Variants in TRIM44 observed in about 807,000 individuals in gnomAD.
TRIM44 encodes the protein tripartite motif-containing protein 44.
TRIM44 carries 13 observed loss-of-function variants against 37.4 expected under a neutral mutation model. That is an observed-to-expected ratio of 0.35 (90% confidence interval 0.23 to 0.55). TRIM44 has a LOEUF of 0.55. Ranked by LOEUF, TRIM44 falls within the 20% of genes least tolerant of loss-of-function variation. The pLI is 0.89. For missense variants in TRIM44, 426 were observed against 437.2 expected (o/e 0.97, Z 0.23); for synonymous variants, 175 against 157.2 (o/e 1.11, Z -0.85).
chr11:35,685,170 T>G (rs1851560005), intron 1 of TRIM44, 89 bp from the exon 2 acceptor site: 1 of 1,119,654 alleles, frequency 8.9e-7, no homozygotes, highest in South Asian at 1.4e-5. Context: ...AAAAAATTGC[T>G]TTCTATTTCA....
chr11:35,767,077 T>A (rs1441113211), intron 4 of TRIM44, among the ~76,000 whole-genome samples: 1 of 152,154 alleles, frequency 6.6e-6, no homozygotes. Flanking sequence ...TCTCAGACTG[T>A]CATCAAGCAT....
At chr11:35,752,050 G>C (rs1852565253) in intron 4 of TRIM44, among the ~76,000 whole-genome samples, 1 of 152,072 alleles carries the variant, frequency 6.6e-6, no homozygotes, top group African/African-American at 2.4e-5. Context: ...CATAACTCTT[G>C]TTTTCTCCTC....
intron 2 of TRIM44, among the ~76,000 whole-genome samples, chr11:35,693,507 G>A (rs927996519): frequency 1.4e-4 from 22 of 152,124 alleles, no homozygotes; most frequent in African/African-American, 4.8e-4. Flanking sequence ...AACAAAACCC[G>A]GTCCTTTCTG....
At chr11:35,672,870 A>T (rs1851414084) in intron 1 of TRIM44, among the ~76,000 whole-genome samples, 1 of 152,206 alleles carries the variant, frequency 6.6e-6, no homozygotes, top group Non-Finnish European at 1.5e-5. Context: ...GCACTGGCAT[A>T]CATAGTGGTT....
chr11:35,715,461 T>C (rs1786622216), intron 2 of TRIM44, among the ~76,000 whole-genome samples: 1 of 151,804 alleles, frequency 6.6e-6, no homozygotes, highest in African/African-American at 2.4e-5. Context: ...CAAGGACATG[T>C]ATATTTATGA....
intron 4 of TRIM44, among the ~76,000 whole-genome samples, chr11:35,789,874 A>G (rs180837945): frequency 6.6e-6 from 1 of 151,202 alleles, no homozygotes. Flanking sequence ...AATCAATCGT[A>G]AATACGATAG....
At position 35,814,006 on chromosome 11, in the gene TRIM44, A is replaced by G. The variant is rs1447029174; in HGVS notation, c.*7621A>G. Reference sequence around the variant, plus strand: ...TCCAATGTGATGAATAAAACTAATAACTAGAATACAGATCAAATTCTGTTA... The same window carrying G: ...TCCAATGTGATGAATAAAACTAATAGCTAGAATACAGATCAAATTCTGTTA... On this transcript the variant is annotated 3_prime_UTR_variant, in exon 5 of 5. Transcript: ENST00000299413. 6.6e-6 allele frequency: 1 copy of G among 152,212 alleles called. No homozygotes were observed. The highest frequency in any genetic ancestry group is 2.4e-5 in the African/African-American group (1 of 41,456). The allele number at this position is 152,212 out of a possible 1,614,324, so 9.4% of individuals were successfully genotyped here. A position where few individuals can be genotyped will look rare whatever the true frequency, so the allele number is the denominator to read the frequency against.
Position 35,814,259 on chromosome 11 carries a change from A to G in TRIM44, c.*7874A>G, listed in dbSNP as rs1310024665. ...TAAGAAGAATAAACGTTATGTAGATATAATACCAGCGTGACAGCTTGTGGT... is the reference window on the plus strand; with the variant it reads ...TAAGAAGAATAAACGTTATGTAGATGTAATACCAGCGTGACAGCTTGTGGT... On this transcript the variant is annotated 3_prime_UTR_variant, in exon 5 of 5. Transcript: ENST00000299413. The G allele has an allele frequency of 3.9e-5, 6 of 152,322 alleles. No homozygotes were observed. The East Asian group carries it at 1.2e-3, about 29-fold the overall frequency. 9.4% of individuals were successfully genotyped at this position (152,322 alleles called of 1,614,324 possible). A position where few individuals can be genotyped will look rare whatever the true frequency, so the allele number is the denominator to read the frequency against.
intron 1 of TRIM44, among the ~76,000 whole-genome samples, chr11:35,676,229 G>C (rs1851459270): frequency 6.6e-6 from 1 of 152,148 alleles, no homozygotes; most frequent in Non-Finnish European, 1.5e-5. Flanking sequence ...ACAGTGCCTG[G>C]AATATCATAA....
At chr11:35,752,496 C>T (rs577315883) in intron 4 of TRIM44, among the ~76,000 whole-genome samples, 1 of 151,602 alleles carries the variant, frequency 6.6e-6, no homozygotes, top group Non-Finnish European at 1.5e-5. Flanking sequence ...TGGTTCTCCC[C>T]CTCCCTCACC....
chr11:35,681,608 G>A (rs1851521764), intron 1 of TRIM44, among the ~76,000 whole-genome samples: 2 of 152,176 alleles, frequency 1.3e-5, no homozygotes, highest in South Asian at 4.1e-4. Flanking sequence ...TGCTAGTCAT[G>A]TTATGTGCCC....
intron 3 of TRIM44, among the ~76,000 whole-genome samples, chr11:35,731,584 C>A (rs1046930853): frequency 6.6e-6 from 1 of 152,112 alleles, no homozygotes; most frequent in East Asian, 1.9e-4. Context: ...ATAAAACAAA[C>A]TGAAAAGTAT....
Position 35,810,809 on chromosome 11 carries a change from T to C in TRIM44, c.*4424T>C, listed in dbSNP as rs1039904709. On this transcript the variant is annotated 3_prime_UTR_variant, in exon 5 of 5. Transcript: ENST00000299413. ...TGAATGGGGAGAACCAATGAATCCA[T>C]TGTCCTCTGCCTATTTTCCTGTGCA... is the stretch of plus-strand genomic sequence containing the variant. The C allele has an allele frequency of 2.6e-5, 4 of 152,210 alleles. No homozygotes were observed. Among genetic ancestry groups the C allele is most frequent in the Non-Finnish European group, 5.9e-5 (4 of 68,040 alleles). The allele number at this position is 152,210 out of a possible 1,614,324, so 9.4% of individuals were successfully genotyped here.
At chr11:35,800,620 T>G (rs773448232) in intron 4 of TRIM44, among the ~76,000 whole-genome samples, 1 of 152,188 alleles carries the variant, frequency 6.6e-6, no homozygotes, top group Non-Finnish European at 1.5e-5. Flanking sequence ...TCCAGCTGGC[T>G]TCACCTCTCA....
intron 2 of TRIM44, among the ~76,000 whole-genome samples, chr11:35,725,098 ACACACACCCT>A (rs1852157223): frequency 7.0e-6 from 1 of 143,812 alleles, no homozygotes; most frequent in Admixed American, 7.1e-5. Context: ...ACACACACAC[ACACACACCCT>A]CCATCTCCAT....
chr11:35,798,127 A>AGG (rs1300461255), intron 4 of TRIM44, among the ~76,000 whole-genome samples: 1 of 152,198 alleles, frequency 6.6e-6, no homozygotes, highest in Non-Finnish European at 1.5e-5. Context: ...TGAAGTGGGG[A>AGG]GGCAGCTTCC....
rs1426497286 is a variant in TRIM44 at position 35,674,844 on chromosome 11, CAG to C, written c.670-10414_670-10413del. ...GTGTGTATTAGAGAAAAGGTACAAA[CAG>C]TATGCTATGGAAGTGGAGAGAAAAG... On this transcript the variant is annotated intron_variant, in intron 1 of 4. Transcript: ENST00000299413. Among the ~76,000 whole-genome samples, 7 of 152,218 alleles carry C rather than the reference CAG, an allele frequency of 4.6e-5. 1 individual carries two copies. The East Asian group carries it at 7.7e-4, about 17-fold the overall frequency.
chr11:35,783,318 C>T (rs1853088856), intron 4 of TRIM44, among the ~76,000 whole-genome samples: 1 of 152,170 alleles, frequency 6.6e-6, no homozygotes, highest in African/African-American at 2.4e-5. Context: ...AAAATGTTCT[C>T]CCTGTAGATC....
intron 4 of TRIM44, among the ~76,000 whole-genome samples, chr11:35,771,985 C>A (rs933839085): frequency 2.0e-5 from 3 of 152,138 alleles, no homozygotes; most frequent in African/African-American, 7.2e-5. Flanking sequence ...AACATGGTTT[C>A]CTTGGTCAGC....
Sources: gnomAD v4.1 joint callset for allele counts (sites outside exome capture counted in the v4.1 genomes callset) on GRCh38, gnomAD v4.1.1 for gene constraint, MANE v1.5 for transcripts, NCBI Gene and HGNC (gene_info 2026-07-23, HGNC 2026-07-21) for gene names.